ZNF385B: variants seen among roughly 807,000 people sequenced by gnomAD.
ZNF385B encodes zinc finger protein 385B, also known as zinc finger protein 533.
ZNF385B carries 23 observed loss-of-function variants against 39.2 expected under a neutral mutation model. That is an observed-to-expected ratio of 0.59 (90% CI 0.42 to 0.83). The LOEUF (loss-of-function observed/expected upper bound fraction) is 0.83. Among genes scored for constraint, ZNF385B ranks in the 40% least tolerant of loss-of-function variants. The pLI is 0.00. For missense variants in ZNF385B, 552 were observed against 598.9 expected (o/e 0.92, Z 0.82); for synonymous variants, 205 against 222.6 (o/e 0.92, Z 0.70).
chr2:179,818,445 C>A (rs1282970876), intron 1 of ZNF385B, among the ~76,000 whole-genome samples: 1 of 152,166 alleles, frequency 6.6e-6, no homozygotes, highest in African/African-American at 2.4e-5. Flanking sequence ...TTTTCCTTCA[C>A]TAAGTGGCTC....
At chr2:179,484,953 C>G (rs981975988) in intron 5 of ZNF385B, among the ~76,000 whole-genome samples, 6 of 151,998 alleles carry the variant, frequency 3.9e-5, no homozygotes, top group Non-Finnish European at 7.4e-5. Context: ...TGGAGAAGTG[C>G]TTACATAGGC....
At chr2:179,631,193 C>T (rs191222084) in intron 3 of ZNF385B, among the ~76,000 whole-genome samples, 13 of 152,146 alleles carry the variant, frequency 8.5e-5, no homozygotes, top group African/African-American at 3.1e-4. Flanking sequence ...CTCCTCGACA[C>T]GAGCAACCAC....
Position 179,553,220 on chromosome 2 carries a change from T to C in ZNF385B, c.299-8251A>G, listed in dbSNP as rs1235552924. On this transcript the variant is annotated intron_variant, in intron 3 of 9. Transcript: ENST00000410066. ...AACAGATATAGTATTCAACTGGGAA[T>C]TAGTTGAAACTTATTTGACCTTAGT... Among the ~76,000 whole-genome samples, 2 of 149,156 alleles carry C rather than the reference T, an allele frequency of 1.3e-5. 1 individual carries two copies. The highest frequency in any genetic ancestry group is 3.0e-5 in the Non-Finnish European group (2 of 67,480).
intron 3 of ZNF385B, among the ~76,000 whole-genome samples, chr2:179,590,336 A>G (rs1424347598): frequency 2.0e-5 from 3 of 152,158 alleles, no homozygotes; most frequent in East Asian, 3.8e-4. Flanking sequence ...ATGGGATTAA[A>G]CGAGACAATG....
At chr2:179,584,404 CG>C (rs1574902954) in intron 3 of ZNF385B, among the ~76,000 whole-genome samples, 1 of 152,054 alleles carries the variant, frequency 6.6e-6, no homozygotes, top group African/African-American at 2.4e-5. Flanking sequence ...AAAAGAAAGA[CG>C]GGCATCGAAC....
intron 3 of ZNF385B, among the ~76,000 whole-genome samples, chr2:179,752,042 C>T (rs1702709682): frequency 6.6e-6 from 1 of 152,060 alleles, no homozygotes. Flanking sequence ...CCCATTAACT[C>T]GTCATTTACA....
At chr2:179,497,569 A>C (rs2056348448) in intron 5 of ZNF385B, among the ~76,000 whole-genome samples, 2 of 152,072 alleles carry the variant, frequency 1.3e-5, no homozygotes, top group Non-Finnish European at 1.5e-5. Context: ...ATATACAAAA[A>C]AATAAAAAGG....
chr2:179,811,326 C>CA (rs1326240513), intron 1 of ZNF385B, among the ~76,000 whole-genome samples: 2 of 151,896 alleles, frequency 1.3e-5, no homozygotes, highest in Admixed American at 6.6e-5. Context: ...CATATAGAAC[C>CA]AAAAAAGAGC....
intron 3 of ZNF385B, among the ~76,000 whole-genome samples, chr2:179,678,320 T>TTTAG (rs1697137426): frequency 6.6e-6 from 1 of 152,216 alleles, no homozygotes; most frequent in African/African-American, 2.4e-5. Context: ...ATCACTAATC[T>TTTAG]TTAGTTAGGT....
chr2:179,606,396 T>C (rs1480926969), intron 3 of ZNF385B, among the ~76,000 whole-genome samples: 2 of 152,192 alleles, frequency 1.3e-5, no homozygotes, highest in Admixed American at 1.3e-4. Context: ...TTACAGACTT[T>C]CTTGAAATGC....
chr2:179,548,333 G>A (rs541959892), intron 3 of ZNF385B, among the ~76,000 whole-genome samples: 1 of 149,524 alleles, frequency 6.7e-6, no homozygotes, highest in Non-Finnish European at 1.5e-5. Context: ...CTTCTTTAGT[G>A]TATAACTTTC....
At chr2:179,648,528 A>G (rs1367558962) in intron 3 of ZNF385B, among the ~76,000 whole-genome samples, 1 of 152,100 alleles carries the variant, frequency 6.6e-6, no homozygotes, top group African/African-American at 2.4e-5. Context: ...AGCACTGGCC[A>G]CTAAGAAGGT....
At chr2:179,785,302 C>T (rs1226812799) in intron 1 of ZNF385B, among the ~76,000 whole-genome samples, 1 of 152,018 alleles carries the variant, frequency 6.6e-6, no homozygotes, top group Non-Finnish European at 1.5e-5. Flanking sequence ...TTGTAGAAAT[C>T]CATTGATCTA....
At chr2:179,641,132 T>G (rs1269981834) in intron 3 of ZNF385B, among the ~76,000 whole-genome samples, 1 of 152,198 alleles carries the variant, frequency 6.6e-6, no homozygotes, top group East Asian at 1.9e-4. Context: ...GACTTAGAAC[T>G]CCACAGGTTT....
chr2:179,476,458 C>T (rs2053460336), intron 6 of ZNF385B, among the ~76,000 whole-genome samples: 1 of 152,160 alleles, frequency 6.6e-6, no homozygotes, highest in African/African-American at 2.4e-5. Flanking sequence ...AATGTATCCT[C>T]AGTAAATCCT....
intron 3 of ZNF385B, among the ~76,000 whole-genome samples, chr2:179,683,484 T>C (rs1697690443): frequency 6.6e-6 from 1 of 152,002 alleles, no homozygotes; most frequent in African/African-American, 2.4e-5. Flanking sequence ...TGAATTTTTT[T>C]TTTTTTTTTA....
chr2:179,512,218 A>G (rs2057738830), intron 5 of ZNF385B, among the ~76,000 whole-genome samples: 10 of 152,144 alleles, frequency 6.6e-5, no homozygotes, highest in Admixed American at 6.6e-4. Flanking sequence ...GGGTATTTAT[A>G]ATAAACTGTT....
At chr2:179,446,867 A>C in intron 6 of ZNF385B, 97 bp from the exon 7 acceptor site, 1 of 1,455,020 alleles carries the variant, frequency 6.9e-7, no homozygotes, top group Non-Finnish European at 9.2e-7. Flanking sequence ...TTTGATTCTT[A>C]TGTGAAGTTT....
chr2:179,497,259 T>C (rs1010453293), intron 5 of ZNF385B, among the ~76,000 whole-genome samples: 42 of 152,048 alleles, frequency 2.8e-4, no homozygotes, highest in African/African-American at 9.7e-4. Flanking sequence ...CAGAATAAGA[T>C]AACACTGTAA....
Sources: allele counts gnomAD v4.1 joint callset (sites outside exome capture counted in the v4.1 genomes callset), GRCh38; gene constraint gnomAD v4.1.1; transcripts MANE v1.5; gene names NCBI Gene and HGNC (gene_info 2026-07-23, HGNC 2026-07-21).